Variants in MORC2 observed in about 807,000 individuals in gnomAD.
The protein encoded by MORC2 is ATPase MORC2.
Under a neutral mutation model 136.0 loss-of-function variants are expected in MORC2, and 30 were observed. The observed-to-expected ratio is 0.22, with a 90% CI of 0.17 to 0.30. The LOEUF (loss-of-function observed/expected upper bound fraction) is 0.30, where lower values mean the gene tolerates loss of function less well. Ranked by LOEUF, MORC2 falls within the 10% of genes least tolerant of loss-of-function variation. The probability of loss-of-function intolerance (pLI) is 1.00; values close to 1 mark genes in which losing one functional copy is unlikely to be tolerated. For synonymous variants in MORC2, 439 were observed against 487.0 expected, an observed-to-expected ratio of 0.90 and a Z score of 1.30; for missense variants, 922 against 1,333.1, an observed-to-expected ratio of 0.69 and a Z score of 4.80.
chr22:30,932,491 G>A lies in MORC2; in HGVS notation c.2748-39C>T, dbSNP rs754967937. 6.2e-7 allele frequency: 1 copy of A among 1,612,480 alleles called. No individual in the cohort carries two copies. The highest frequency in any genetic ancestry group is 1.1e-5 in the South Asian group (1 of 91,014). ...GGACAGTAATTCAGAATGGCATGGA[G>A]CAGGCAGAGAGCTGCTGCTGGCCCT... On this transcript the variant is annotated intron_variant, in intron 23 of 25. Coordinates refer to ENST00000397641, the MANE Select transcript of MORC2 (RefSeq NM_001303256.3). The surrounding 1 kb of genome is among the most constrained non-coding windows in gnomAD (Gnocchi z 4.4).
chr22:30,941,927 C>T lies in MORC2; in HGVS notation c.662G>A (p.Arg221Lys). The T allele has an allele frequency of 6.2e-7, 1 of 1,613,824 alleles. No individual in the cohort carries two copies. The highest frequency in any genetic ancestry group is 2.2e-5 in the East Asian group (1 of 44,882). ...EPELDIISNP[R>K]DIQMAETSPE... ...GGACGTCTCTGCCATCTGGATATCTCTTGGATTTGAGATTATGTCTAGTTC... is the reference window on the plus strand; with the variant it reads ...GGACGTCTCTGCCATCTGGATATCTTTTGGATTTGAGATTATGTCTAGTTC... The change falls in exon 8 of 26, where the codon AGA becomes AAA. Residue 221 changes from arginine to lysine, a missense_variant. Arg to Lys is a conservative substitution (Grantham distance 26). Transcript: ENST00000397641. This position sits in a 1 kb window ranked among gnomAD's most constrained non-coding sequence, Gnocchi z 4.6.
chr22:30,968,102 A>G lies in MORC2; in HGVS notation c.-213T>C, dbSNP rs894888067. ...TTTTTTTTAATCTTCTCAATGATTT[A>G]TGATGTAATATTTTGGAAGGAACTA... On this transcript the variant is annotated 5_prime_UTR_variant, in exon 1 of 26. Transcript: ENST00000397641. 1.9e-6 allele frequency: 1 copy of G among 536,874 alleles called. No homozygotes were observed. Among genetic ancestry groups the G allele is most frequent in the Non-Finnish European group, 3.3e-6 (1 of 301,116 alleles). 33.3% of individuals were successfully genotyped at this position (536,874 alleles called of 1,614,324 possible). A position where few individuals can be genotyped will look rare whatever the true frequency, so the allele number is the denominator to read the frequency against.
At position 30,926,689 on chromosome 22, in the gene MORC2, G is replaced by T; in HGVS notation, c.*114C>A. 1 of 561,276 alleles carries T rather than the reference G, an allele frequency of 1.8e-6. No homozygotes were observed. Among genetic ancestry groups the T allele is most frequent in the Non-Finnish European group, 3.1e-6 (1 of 326,196 alleles). 34.8% of individuals were successfully genotyped at this position (561,276 alleles called of 1,614,324 possible). A position where few individuals can be genotyped will look rare whatever the true frequency, so the allele number is the denominator to read the frequency against. On this transcript the variant is annotated 3_prime_UTR_variant, in exon 26 of 26. Transcript: ENST00000397641. ...TATCTTTTCCTCCAAAAACACAAATGTCCCGTGTAAGTCAAACCAAGGTGC... is the reference window on the plus strand; with the variant it reads ...TATCTTTTCCTCCAAAAACACAAATTTCCCGTGTAAGTCAAACCAAGGTGC...
Position 30,932,543 on chromosome 22 carries a change from A to T in MORC2, c.2747+2T>A. On this transcript the variant is annotated splice_donor_variant, in intron 23 of 25. Transcript: ENST00000397641. LOFTEE classifies it high-confidence loss of function. The surrounding 1 kb of genome is among the most constrained non-coding windows in gnomAD (Gnocchi z 4.4). ...GGGTGGGAAGACAAAAGACACATGT[A>T]CCGGAGGATCTGGACAAGCAGGTCG... The T allele has an allele frequency of 6.2e-7, 1 of 1,614,068 alleles. No homozygotes were observed.
intron 1 of MORC2, among the ~76,000 whole-genome samples, chr22:30,962,219 AAG>A (rs967069506): frequency 1.5e-4 from 22 of 151,446 alleles, no homozygotes; most frequent in Middle Eastern, 3.2e-3. Context: ...AAAAAAAAAA[AAG>A]AAAGAAAGAA....
At position 30,934,274 on chromosome 22, in the gene MORC2, C is replaced by T. The variant is rs544649918; in HGVS notation, c.2194-83G>A. On this transcript the variant is annotated intron_variant, in intron 19 of 25. Transcript: ENST00000397641. The surrounding 1 kb of genome is among the most constrained non-coding windows in gnomAD (Gnocchi z 4.4). ...AAGATTTCATCTAGCCTAAAGGAGT[C>T]GTTCCAAGAGGAGCTGTACTCCCTG... is the stretch of plus-strand genomic sequence containing the variant. The T allele has an allele frequency of 4.2e-5, 66 of 1,574,102 alleles. No individual in the cohort carries two copies. Among genetic ancestry groups the T allele is most frequent in the East Asian group, 3.2e-4 (14 of 44,200 alleles).
At chr22:30,940,558 G>T (rs2040727998) in intron 10 of MORC2, among the ~76,000 whole-genome samples, 200 bp downstream of exon 10, 1 of 152,216 alleles carries the variant, frequency 6.6e-6, no homozygotes, top group South Asian at 2.1e-4. Context: ...CAGAAGAAGA[G>T]AAAGTGGAGT....
chr22:30,937,110 G>A lies in MORC2; in HGVS notation c.1499-73C>T. The A allele has an allele frequency of 9.2e-7, 1 of 1,085,642 alleles. No individual in the cohort carries two copies. Among genetic ancestry groups the A allele is most frequent in the South Asian group, 1.3e-5 (1 of 76,376 alleles). 67.3% of individuals were successfully genotyped at this position (1,085,642 alleles called of 1,614,324 possible). A position where few individuals can be genotyped will look rare whatever the true frequency, so the allele number is the denominator to read the frequency against. On this transcript the variant is annotated intron_variant, in intron 15 of 25. Transcript: ENST00000397641. The surrounding 1 kb of genome is among the most constrained non-coding windows in gnomAD (Gnocchi z 4.7). Reference sequence around the variant, plus strand: ...TATCTGTAATCCGGGTTCCTCACAGGCCCACCACAATGATGCCCCAGACTT... The same window carrying A: ...TATCTGTAATCCGGGTTCCTCACAGACCCACCACAATGATGCCCCAGACTT...
Position 30,946,413 on chromosome 22 carries a change from G to A in MORC2, c.354C>T (p.Phe118=), listed in dbSNP as rs772064769. 1.2e-6 allele frequency: 2 copies of A among 1,610,896 alleles called. No homozygotes were observed. Among genetic ancestry groups the A allele is most frequent in the Non-Finnish European group, 1.7e-6 (2 of 1,178,504 alleles). Residue 118 remains phenylalanine, a synonymous_variant, in exon 6 of 26, where the codon TTC becomes TTT. Coordinates refer to ENST00000397641, the MANE Select transcript of MORC2 (RefSeq NM_001303256.3). ...SMRIGKDFIL[F]TKKEDTMTCL... ...AGGTCATGGTGTCTTCCTTCTTGGT[G>A]AACAGGATAAAATCCTTCCCAATGC...
chr22:30,960,923 C>T (rs1434135620), intron 1 of MORC2, among the ~76,000 whole-genome samples: 1 of 137,454 alleles, frequency 7.3e-6, no homozygotes, highest in Non-Finnish European at 1.6e-5. Context: ...GGAGTGCAAG[C>T]GGCGCAATCT....
rs1555936909 is a variant in MORC2 at position 30,933,460 on chromosome 22, G to C, written c.2380+6C>G. The C allele has an allele frequency of 1.9e-6, 3 of 1,613,520 alleles. No homozygotes were observed. Among genetic ancestry groups the C allele is most frequent in the Non-Finnish European group, 2.5e-6 (3 of 1,179,772 alleles). ...CACAGGCTGCCAAGTCACTCCCCCA[G>C]CTCACCTTTCTGAGCTCTCTTGAGG... On this transcript the variant is annotated splice_donor_region_variant and intron_variant, in intron 21 of 25. Transcript: ENST00000397641.
chr22:30,944,006 C>T (rs1320535821), intron 6 of MORC2, among the ~76,000 whole-genome samples: 1 of 152,190 alleles, frequency 6.6e-6, no homozygotes, highest in Non-Finnish European at 1.5e-5. Flanking sequence ...GATCTGCCCG[C>T]CTCAGCCTCC....
At chr22:30,964,338 C>T (rs1016464856) in intron 1 of MORC2, among the ~76,000 whole-genome samples, 1 of 151,954 alleles carries the variant, frequency 6.6e-6, no homozygotes, top group African/African-American at 2.4e-5. Flanking sequence ...GCCTGGGTGA[C>T]AGAGCAAGAC....
At chr22:30,958,446 A>T (rs141795126) in intron 2 of MORC2, among the ~76,000 whole-genome samples, 195 bp downstream of exon 2, 1 of 152,348 alleles carries the variant, frequency 6.6e-6, no homozygotes, top group African/African-American at 2.4e-5. Context: ...CAATTAGTGA[A>T]TTTAAGTAAG....
intron 1 of MORC2, among the ~76,000 whole-genome samples, chr22:30,964,319 T>C (rs2041093043): frequency 1.3e-5 from 2 of 152,010 alleles, no homozygotes; most frequent in Non-Finnish European, 2.9e-5. Context: ...ATGGTGCCAC[T>C]GCACTCCAGC....
rs2040747226 is a variant in MORC2, at chr22:30,941,907, T to C, written c.682A>G (p.Thr228Ala). 1.2e-6 allele frequency: 2 copies of C among 1,612,600 alleles called. No homozygotes were observed. Among genetic ancestry groups the C allele is most frequent in the Non-Finnish European group, 1.7e-6 (2 of 1,178,798 alleles). The change falls in exon 8 of 26, where the codon ACG (threonine) becomes GCG (alanine). Residue 228 changes from threonine (T) to alanine (A), a missense_variant. By Grantham distance (58) the Thr-to-Ala change is moderately conservative. This residue lies in a region of MORC2 where 261 missense variants were observed against 354.3 expected (regional missense o/e 0.74). Transcript: ENST00000397641. This position sits in a 1 kb window ranked among gnomAD's most constrained non-coding sequence, Gnocchi z 4.6. ...CACACTCACGTGCCCTCTGGGGACG[T>C]CTCTGCCATCTGGATATCTCTTGGA... ...SNPRDIQMAE[T>A]SPEGTKPERR...
intron 17 of MORC2, among the ~76,000 whole-genome samples, chr22:30,936,108 CAT>C (rs1312752686): frequency 6.6e-6 from 1 of 152,110 alleles, no homozygotes; most frequent in Non-Finnish European, 1.5e-5. Flanking sequence ...TAATATAAAA[CAT>C]ATACATGGCA....
chr22:30,960,008 C>T (rs748282192), intron 1 of MORC2, among the ~76,000 whole-genome samples: 5 of 152,194 alleles, frequency 3.3e-5, no homozygotes, highest in African/African-American at 7.2e-5. Flanking sequence ...GCTCTTGTCG[C>T]CCAGGCTGGA....
At chr22:30,928,292 C>G in intron 24 of MORC2, 85 bp from the exon 25 acceptor site, 1 of 1,353,532 alleles carries the variant, frequency 7.4e-7, no homozygotes, top group African/African-American at 1.4e-5. Context: ...TGTCTCCAGC[C>G]CGCTTTACCC....
Sources: gnomAD v4.1 joint callset for allele counts (sites outside exome capture counted in the v4.1 genomes callset) on GRCh38, gnomAD v4.1.1 for gene constraint, gnomAD v4.1.1 regional missense constraint, Gnocchi (gnomAD v3.1) non-coding constraint, MANE v1.5 for transcripts, NCBI Gene and HGNC (gene_info 2026-07-23, HGNC 2026-07-21) for gene names.